The following ITGA8 variants were observed in gnomAD, a reference collection of about 807,000 sequenced individuals.
The protein encoded by ITGA8 is integrin subunit alpha 8, also known as integrin alpha-8.
Under a neutral mutation model 142.3 loss-of-function variants are expected in ITGA8, and 91 were observed. That is an observed-to-expected ratio of 0.64 (90% CI 0.54 to 0.76). ITGA8 has a LOEUF of 0.76. Ranked by LOEUF, ITGA8 falls within the 30% of genes least tolerant of loss-of-function variation. The pLI is 0.00. For synonymous variants in ITGA8, 505 were observed against 485.2 expected (o/e 1.04, Z -0.54); for missense variants, 1,406 against 1,327.7 (o/e 1.06, Z -0.92).
At chr10:15,608,399 A>T in intron 15 of ITGA8, 109 bp from the exon 16 acceptor site, 1 of 594,848 alleles carries the variant, frequency 1.7e-6, no homozygotes, top group Non-Finnish European at 2.9e-6. Context: ...ATATATTTCT[A>T]ATTACACACA....
rs575319970 is a variant in ITGA8, at chr10:15,678,812, T to C, written c.569-29A>G. On this transcript the variant is annotated intron_variant, in intron 4 of 29. Transcript: ENST00000378076. ...GAACGATCAAAATACATAAATGTTA[T>C]AACGTTATCATTCCTGAAATATTTT... 5 of 1,432,360 alleles carry C rather than the reference T, an allele frequency of 3.5e-6. No homozygotes were observed. The South Asian group carries it at 6.0e-5, about 17-fold the overall frequency. The allele number at this position is 1,432,360 out of a possible 1,614,324, so 88.7% of individuals were successfully genotyped here. A position where few individuals can be genotyped will look rare whatever the true frequency, so the allele number is the denominator to read the frequency against.
At chr10:15,662,322 G>A (rs919400824) in intron 8 of ITGA8, among the ~76,000 whole-genome samples, 5 of 120,532 alleles carry the variant, frequency 4.1e-5, no homozygotes, top group Non-Finnish European at 6.9e-5. Flanking sequence ...ATCTTCAGAA[G>A]GTCCTTTTTT....
chr10:15,626,581 C>A (rs1833586721), intron 13 of ITGA8, among the ~76,000 whole-genome samples: 1 of 152,206 alleles, frequency 6.6e-6, no homozygotes, highest in Non-Finnish European at 1.5e-5. Flanking sequence ...TGTATATCTG[C>A]ACCCTCGATT....
At chr10:15,560,368 C>T (rs151230611) in intron 25 of ITGA8, among the ~76,000 whole-genome samples, 2 of 152,224 alleles carry the variant, frequency 1.3e-5, no homozygotes, top group African/African-American at 2.4e-5. Flanking sequence ...ACTGCAGTAG[C>T]TCAAGAGTGA....
At chr10:15,607,215 G>A (rs1833210948) in intron 17 of ITGA8, among the ~76,000 whole-genome samples, 2 of 152,160 alleles carry the variant, frequency 1.3e-5, no homozygotes, top group African/African-American at 4.8e-5. Flanking sequence ...AGGTTTTGAA[G>A]TCATTGTAAA....
Position 15,628,427 on chromosome 10 carries a change from G to A in ITGA8, c.1400-11868C>T, listed in dbSNP as rs531520544. Among the ~76,000 whole-genome samples the A allele has an allele frequency of 3.3e-3, 462 of 141,254 alleles. 6 individuals carry two copies. The highest frequency in any genetic ancestry group is 0.012 in the African/African-American group (454 of 37,996). 92.7% of individuals were successfully genotyped at this position (141,254 alleles called of 152,430 possible). Reference sequence around the variant, plus strand: ...TGCTCACTGCAAGCTCCGCCTCCTGGGTTCACGCCATTCTCCTGCCTCAGC... The same window carrying A: ...TGCTCACTGCAAGCTCCGCCTCCTGAGTTCACGCCATTCTCCTGCCTCAGC... On this transcript the variant is annotated intron_variant, in intron 13 of 29. Coordinates refer to ENST00000378076, the MANE Select transcript of ITGA8 (RefSeq NM_003638.3).
chr10:15,561,684 T>C (rs1474720296), intron 25 of ITGA8, among the ~76,000 whole-genome samples: 1 of 152,176 alleles, frequency 6.6e-6, no homozygotes, highest in East Asian at 1.9e-4. Context: ...CCAAAGTTAA[T>C]TCATGGAGCT....
At chr10:15,616,467 GT>G (rs1833393296) in intron 14 of ITGA8, 46 bp downstream of exon 14, 1 of 1,392,374 alleles carries the variant, frequency 7.2e-7, no homozygotes, top group African/African-American at 1.4e-5. Flanking sequence ...ACAAGAAAAT[GT>G]ATTTGAAACA....
chr10:15,559,370 G>GC (rs1833936642), intron 25 of ITGA8, among the ~76,000 whole-genome samples: 1 of 152,200 alleles, frequency 6.6e-6, no homozygotes, highest in Admixed American at 6.5e-5. Flanking sequence ...TGCCTATCCA[G>GC]CTGTACCTAA....
At chr10:15,610,945 G>C (rs1428480692) in intron 15 of ITGA8, among the ~76,000 whole-genome samples, 1 of 152,002 alleles carries the variant, frequency 6.6e-6, no homozygotes, top group Non-Finnish European at 1.5e-5. Flanking sequence ...TATTTATTGA[G>C]CTGGCTTTTT....
intron 28 of ITGA8, among the ~76,000 whole-genome samples, chr10:15,529,549 T>C (rs1833249765): frequency 6.6e-6 from 1 of 152,204 alleles, no homozygotes; most frequent in South Asian, 2.1e-4. Context: ...CAGAATTGTC[T>C]CTCATAAGAC....
rs372176138 is a variant in ITGA8, at chr10:15,701,707, A to G, written c.344-13669T>C. On this transcript the variant is annotated intron_variant, in intron 2 of 29. Transcript: ENST00000378076. ...TTGGCAGACAGGATAATTTTTGAAA[A>G]CTATTTATAAAGCCCCTGACCCAGT... Among the ~76,000 whole-genome samples the G allele has an allele frequency of 2.6e-5, 4 of 152,216 alleles. No homozygotes were observed. The East Asian group carries it at 5.8e-4, about 22-fold the overall frequency.
At chr10:15,600,427 G>T (rs1246791762) in intron 20 of ITGA8, among the ~76,000 whole-genome samples, 2 of 152,154 alleles carry the variant, frequency 1.3e-5, no homozygotes, top group Non-Finnish European at 2.9e-5. Flanking sequence ...AAATAAGTAG[G>T]ATAGATAAAG....
chr10:15,659,106 C>T (rs1395144214), intron 9 of ITGA8, 51 bp from the exon 10 acceptor site: 2 of 1,296,836 alleles, frequency 1.5e-6, no homozygotes, highest in African/African-American at 1.5e-5. Context: ...AGAATTGGAG[C>T]CTTTTTTAAA....
At chr10:15,703,797 C>T (rs915553239) in intron 2 of ITGA8, among the ~76,000 whole-genome samples, 4 of 152,132 alleles carry the variant, frequency 2.6e-5, no homozygotes, top group African/African-American at 9.7e-5. Context: ...ACAGACACAC[C>T]ATTCTTCAGC....
chr10:15,524,241 C>A (rs1833123949), intron 28 of ITGA8, among the ~76,000 whole-genome samples: 1 of 152,126 alleles, frequency 6.6e-6, no homozygotes, highest in Non-Finnish European at 1.5e-5. Flanking sequence ...TAGGCTTTTG[C>A]AGCATAGTCT....
At chr10:15,661,364 C>A (rs1367886199) in intron 8 of ITGA8, among the ~76,000 whole-genome samples, 1 of 152,202 alleles carries the variant, frequency 6.6e-6, no homozygotes, top group Non-Finnish European at 1.5e-5. Flanking sequence ...CTCACCCCCA[C>A]ATCTGTGAAA....
chr10:15,655,323 T>C, intron 11 of ITGA8, 31 bp downstream of exon 11: 3 of 1,344,298 alleles, frequency 2.2e-6, no homozygotes, highest in Non-Finnish European at 3.2e-6. Context: ...GAATGTAATA[T>C]ATTGTATATG....
intron 2 of ITGA8, among the ~76,000 whole-genome samples, chr10:15,706,097 T>C (rs1835252934): frequency 6.6e-6 from 1 of 152,218 alleles, no homozygotes. Flanking sequence ...ATTCGACATC[T>C]GTTGGGAGGT....
Sources: gnomAD v4.1 joint callset for allele counts (sites outside exome capture counted in the v4.1 genomes callset) on GRCh38, gnomAD v4.1.1 for gene constraint, MANE v1.5 for transcripts, NCBI Gene and HGNC (gene_info 2026-07-23, HGNC 2026-07-21) for gene names.